The following CTNNA2 variants were observed in gnomAD, a reference collection of about 807,000 sequenced individuals.
The protein encoded by CTNNA2 is catenin alpha-2.
CTNNA2 carries 42 observed loss-of-function variants against 101.0 expected under a neutral mutation model. The ratio of observed to expected loss-of-function variants is 0.42; its 90% CI spans 0.32 to 0.54. The LOEUF is 0.54. CTNNA2 is among the 20% of genes least tolerant of loss of function. The probability of loss-of-function intolerance (pLI) is 0.14; values close to 1 mark genes in which losing one functional copy is unlikely to be tolerated. For synonymous variants in CTNNA2, 450 were observed against 456.4 expected, an observed-to-expected ratio of 0.99 and a Z score of 0.18; for missense variants, 871 against 1,223.1, an observed-to-expected ratio of 0.71 and a Z score of 4.29.
At position 80,619,151 on chromosome 2, in the gene CTNNA2, G is replaced by C; in HGVS notation, c.2497G>C (p.Ala833Pro). ...TTGTGATGTCATAGATGGGGGCAGG[G>C]CTAGTCAACTTTCTACCCACCTCCC... ...VDCDVIDGGR[A>P]SQLSTHLPTC... Residue 833 changes from alanine (A) to proline (P), a missense_variant, in exon 18 of 19, where the codon GCT (alanine) becomes CCT (proline). Coordinates refer to ENST00000402739, the MANE Select transcript of CTNNA2 (RefSeq NM_001282597.3). The C allele has an allele frequency of 6.4e-7, 1 of 1,566,740 alleles. No homozygotes were observed. Among genetic ancestry groups the C allele is most frequent in the Non-Finnish European group, 8.7e-7 (1 of 1,155,104 alleles).
At chr2:80,073,370 A>T (rs1351665611) in intron 7 of CTNNA2, among the ~76,000 whole-genome samples, 2 of 152,168 alleles carry the variant, frequency 1.3e-5, no homozygotes, top group African/African-American at 2.4e-5. Flanking sequence ...AAGGGCAGAG[A>T]TCATCAGAGA....
chr2:80,019,665 A>G (rs1694415071), intron 7 of CTNNA2, among the ~76,000 whole-genome samples: 2 of 152,174 alleles, frequency 1.3e-5, no homozygotes. Context: ...ATCTTTGTCA[A>G]CCATCACCCT....
intron 9 of CTNNA2, among the ~76,000 whole-genome samples, chr2:80,451,093 C>A (rs1683469631): frequency 6.6e-6 from 1 of 152,058 alleles, no homozygotes; most frequent in South Asian, 2.1e-4. Flanking sequence ...TCTCCCCCTC[C>A]CATGTGATTT....
At chr2:79,715,532 AG>A (rs1459416858) in intron 2 of CTNNA2, among the ~76,000 whole-genome samples, 1 of 152,202 alleles carries the variant, frequency 6.6e-6, no homozygotes, top group Non-Finnish European at 1.5e-5. Context: ...TGATGAAATC[AG>A]GGGACATCTA....
At chr2:79,503,910 A>C (rs1015059338) in intron 4 of CTNNA2, among the ~76,000 whole-genome samples, 1 of 152,224 alleles carries the variant, frequency 6.6e-6, no homozygotes, top group Non-Finnish European at 1.5e-5. Flanking sequence ...CCTGATTACC[A>C]AGGAGAAGTT....
intron 7 of CTNNA2, among the ~76,000 whole-genome samples, chr2:80,374,431 T>G (rs555955769): frequency 6.6e-6 from 1 of 152,340 alleles, no homozygotes; most frequent in South Asian, 2.1e-4. Context: ...GGTGTATATG[T>G]AACACATCTT....
chr2:79,212,822 GC>G (rs1674193856), intron 2 of CTNNA2, among the ~76,000 whole-genome samples: 2 of 152,304 alleles, frequency 1.3e-5, no homozygotes, highest in South Asian at 4.1e-4. Flanking sequence ...CCAGTCCTGG[GC>G]AGGGGCAAAT....
intron 7 of CTNNA2, among the ~76,000 whole-genome samples, chr2:80,124,540 C>T (rs1350071913): frequency 6.6e-6 from 1 of 152,120 alleles, no homozygotes; most frequent in African/African-American, 2.4e-5. Context: ...AATATATCCT[C>T]ATTTTTTTCC....
intron 4 of CTNNA2, among the ~76,000 whole-genome samples, chr2:79,862,915 T>A (rs1204902352): frequency 6.6e-6 from 1 of 152,184 alleles, no homozygotes; most frequent in African/African-American, 2.4e-5. Context: ...CTCACCAAAT[T>A]AAAAGTCCAG....
chr2:79,742,894 G>A (rs1442659905), intron 2 of CTNNA2, among the ~76,000 whole-genome samples: 3 of 152,236 alleles, frequency 2.0e-5, no homozygotes, highest in South Asian at 4.1e-4. Context: ...CACCTCTTAA[G>A]TATTGGTTCT....
chr2:80,322,747 CAGCATGTG>C (rs1214742748), intron 7 of CTNNA2, among the ~76,000 whole-genome samples: 6 of 152,156 alleles, frequency 3.9e-5, no homozygotes, highest in Non-Finnish European at 1.5e-5. Context: ...GTTCCTCACT[CAGCATGTG>C]AGAGAGATTG....
chr2:79,380,805 A>G (rs1678029846), intron 4 of CTNNA2, among the ~76,000 whole-genome samples: 1 of 152,188 alleles, frequency 6.6e-6, no homozygotes, highest in Non-Finnish European at 1.5e-5. Context: ...CCTGAAAATT[A>G]CATTGCAAAA....
At chr2:79,226,556 C>A (rs574378413) in intron 2 of CTNNA2, among the ~76,000 whole-genome samples, 43 of 152,206 alleles carry the variant, frequency 2.8e-4, no homozygotes, top group African/African-American at 9.9e-4. Flanking sequence ...GGGAGCATAG[C>A]GGACGTTGTG....
intron 18 of CTNNA2, among the ~76,000 whole-genome samples, chr2:80,636,714 A>C (rs1487497854): frequency 6.6e-6 from 1 of 152,070 alleles, no homozygotes; most frequent in African/African-American, 2.4e-5. Context: ...ATTTATTTTG[A>C]TGCTTCCCAA....
chr2:79,272,958 T>C (rs1675122569), intron 2 of CTNNA2, among the ~76,000 whole-genome samples: 1 of 152,024 alleles, frequency 6.6e-6, no homozygotes, highest in Non-Finnish European at 1.5e-5. Context: ...TGGCTTAGAT[T>C]ATGGTGGTAG....
chr2:79,845,053 TTG>T (rs10569872), intron 3 of CTNNA2, among the ~76,000 whole-genome samples: 10,678 of 149,008 alleles, frequency 0.072, 819 homozygotes, highest in African/African-American at 0.18. Context: ...TTGTGTGCAT[TTG>T]TGTGTGTGTG....
At chr2:80,608,423 A>C in intron 17 of CTNNA2, 105 bp downstream of exon 17, 1 of 1,201,478 alleles carries the variant, frequency 8.3e-7, no homozygotes, top group Non-Finnish European at 1.1e-6. Flanking sequence ...ACAGTGATTT[A>C]TAGGGAGGGC....
At chr2:79,509,056 A>G (rs1335947976), upstream of CTNNA2, among the ~76,000 whole-genome samples, 2 of 145,692 alleles carry the variant, frequency 1.4e-5, no homozygotes, top group Non-Finnish European at 3.0e-5. Flanking sequence ...GTTTGAAAAA[A>G]TGAAAATTAG....
intron 7 of CTNNA2, among the ~76,000 whole-genome samples, chr2:80,099,223 G>C (rs1167954482): frequency 2.6e-5 from 4 of 152,016 alleles, no homozygotes; most frequent in African/African-American, 7.2e-5. Flanking sequence ...GACTAATTTA[G>C]TTAGTTTTCT....
Sources: allele counts gnomAD v4.1 joint callset (sites outside exome capture counted in the v4.1 genomes callset), GRCh38; gene constraint gnomAD v4.1.1; transcripts MANE v1.5; gene names NCBI Gene and HGNC (gene_info 2026-07-23, HGNC 2026-07-21).